The following TMEM26 variants were observed in gnomAD, a reference collection of about 807,000 sequenced individuals.
The protein encoded by TMEM26 is transmembrane protein 26.
TMEM26 carries 38 observed loss-of-function variants against 28.8 expected under a neutral mutation model. That is an observed-to-expected ratio of 1.32 (90% CI 1.02 to 1.73). The LOEUF is 1.73. TMEM26 is among the 40% of genes most tolerant of loss of function. The pLI is 0.00. For synonymous variants in TMEM26, 227 were observed against 182.9 expected, an observed-to-expected ratio of 1.24 and a Z score of -1.95; for missense variants, 518 against 447.1, an observed-to-expected ratio of 1.16 and a Z score of -1.43.
chr10:61,413,453 A>G lies in TMEM26; in HGVS notation c.682+6T>C, dbSNP rs1839600863. 2 of 1,611,532 alleles carry G rather than the reference A, an allele frequency of 1.2e-6. No homozygotes were observed. The highest frequency in any genetic ancestry group is 1.7e-6 in the Non-Finnish European group (2 of 1,178,902). On this transcript the variant is annotated splice_donor_region_variant and intron_variant, in intron 5 of 5. Transcript: ENST00000399298. Reference sequence around the variant, plus strand: ...TATTTCTTTGCACAAACATCAGGATACTTACCTGCCAGGTCAAGTGGAAAC... The same window carrying G: ...TATTTCTTTGCACAAACATCAGGATGCTTACCTGCCAGGTCAAGTGGAAAC...
chr10:61,424,736 G>T (rs929337227), intron 4 of TMEM26, among the ~76,000 whole-genome samples: 7 of 152,020 alleles, frequency 4.6e-5, no homozygotes, highest in Admixed American at 2.6e-4. Flanking sequence ...TAAAACAATG[G>T]AACACAACAG....
At chr10:61,416,090 A>G (rs1419259417) in intron 4 of TMEM26, 1 of 450,684 alleles carries the variant, frequency 2.2e-6, no homozygotes, top group African/African-American at 2.0e-5. Flanking sequence ...TGGGGTTAGT[A>G]TGTCTTCTAT....
chr10:61,422,168 A>G (rs1316037644), intron 4 of TMEM26, among the ~76,000 whole-genome samples: 1 of 152,164 alleles, frequency 6.6e-6, no homozygotes, highest in Non-Finnish European at 1.5e-5. Context: ...GCAAAAACTG[A>G]CAGTATTTAA....
At chr10:61,445,677 T>C (rs12766973) in intron 1 of TMEM26, among the ~76,000 whole-genome samples, 14,697 of 151,688 alleles carry the variant, frequency 0.097, 1,487 homozygotes, top group African/African-American at 0.26. Flanking sequence ...CTACATTAAA[T>C]TTTTTTTTAA....
In TMEM26 at chr10:61,434,905, T is replaced by A. The variant is rs542324599; in HGVS notation, c.270+1265A>T. ...ACTATAACAAAGAAATCTATGTAAG[T>A]CCAAATTCTCGAAGATCTTTTCTAA... On this transcript the variant is annotated intron_variant, in intron 2 of 5. Coordinates refer to ENST00000399298, the MANE Select transcript of TMEM26 (RefSeq NM_178505.8). Among the ~76,000 whole-genome samples, 3 of 152,302 alleles carry A rather than the reference T, an allele frequency of 2.0e-5. No homozygotes were observed. In the East Asian group the frequency reaches 5.8e-4, roughly 29 times the overall value.
chr10:61,413,778 C>A, intron 4 of TMEM26: 1 of 1,152,504 alleles, frequency 8.7e-7, no homozygotes, highest in Non-Finnish European at 1.1e-6. Flanking sequence ...GCCTCTTGGT[C>A]CCATATTGCT....
intron 1 of TMEM26, among the ~76,000 whole-genome samples, chr10:61,451,198 G>A (rs1840273994): frequency 2.0e-5 from 3 of 152,148 alleles, no homozygotes; most frequent in Admixed American, 2.0e-4. Flanking sequence ...TCTCTCGGTT[G>A]TAAGTCACAT....
intron 4 of TMEM26, chr10:61,415,157 C>G: frequency 1.0e-6 from 1 of 985,176 alleles, no homozygotes; most frequent in Non-Finnish European, 1.2e-6. Flanking sequence ...ACTGGATGAC[C>G]TAGATTAGAA....
intron 3 of TMEM26, among the ~76,000 whole-genome samples, chr10:61,429,604 G>GT (rs978929697): frequency 6.6e-6 from 1 of 151,652 alleles, no homozygotes; most frequent in Non-Finnish European, 1.5e-5. Context: ...TCTTCTCTTT[G>GT]TTTTTTTGCT....
chr10:61,446,968 T>TA (rs1840194875), intron 1 of TMEM26, among the ~76,000 whole-genome samples: 2 of 140,834 alleles, frequency 1.4e-5, no homozygotes, highest in African/African-American at 5.6e-5. Context: ...ACAACAAACT[T>TA]TAAAAAAAAA....
rs953076544 is a variant in TMEM26, at chr10:61,409,826, C to G, written c.*496G>C. ...GGAAGCTGGGCAGAGATTTTCGCTT[C>G]TTCCAGCCCACAGTGAGGTAATTTT... On this transcript the variant is annotated 3_prime_UTR_variant, in exon 6 of 6. Coordinates refer to ENST00000399298, the MANE Select transcript of TMEM26 (RefSeq NM_178505.8). 5 of 158,392 alleles carry G rather than the reference C, an allele frequency of 3.2e-5. No homozygotes were observed. Among genetic ancestry groups the G allele is most frequent in the African/African-American group, 1.2e-4 (5 of 41,466 alleles). 9.8% of individuals were successfully genotyped at this position (158,392 alleles called of 1,614,324 possible). A position where few individuals can be genotyped will look rare whatever the true frequency, so the allele number is the denominator to read the frequency against.
Position 61,453,072 on chromosome 10 carries a change from G to A in TMEM26, c.10C>T (p.Leu4=). The A allele has an allele frequency of 6.2e-7, 1 of 1,612,928 alleles. No individual in the cohort carries two copies. The highest frequency in any genetic ancestry group is 1.1e-5 in the South Asian group (1 of 91,070). The change falls in exon 1 of 6, where the codon CTG becomes TTG. Residue 4 remains leucine (L), a synonymous_variant. Transcript: ENST00000399298. MEG[L]VFLNALATRL... ...GTGGCCAGGGCGTTAAGGAAGACCA[G>A]TCCCTCCATGCTGGCCGGAGCACTC...
At chr10:61,432,635 T>C (rs908405178) in intron 2 of TMEM26, among the ~76,000 whole-genome samples, 1 of 148,286 alleles carries the variant, frequency 6.7e-6, no homozygotes, top group African/African-American at 2.6e-5. Flanking sequence ...CACATTTGTA[T>C]TTAGAGAGGA....
At chr10:61,451,014 G>A (rs894883932) in intron 1 of TMEM26, among the ~76,000 whole-genome samples, 1 of 152,090 alleles carries the variant, frequency 6.6e-6, no homozygotes, top group African/African-American at 2.4e-5. Context: ...GTAAGAAATT[G>A]AGGCTGAGAC....
At chr10:61,427,140 A>G (rs1430213164) in intron 4 of TMEM26, among the ~76,000 whole-genome samples, 2 of 152,110 alleles carry the variant, frequency 1.3e-5, no homozygotes, top group Non-Finnish European at 2.9e-5. Flanking sequence ...AAAAACTATG[A>G]CATAATTTAT....
chr10:61,426,884 C>T lies in TMEM26; in HGVS notation c.605+2042G>A, dbSNP rs143747363. On this transcript the variant is annotated intron_variant, in intron 4 of 5. Transcript: ENST00000399298. ...GCAGTGTCTATTCTTGCAGTATAGG[C>T]GAGAACCAAAACAGGAAATCAGAAC... Among the ~76,000 whole-genome samples, 1,233 of 151,922 alleles carry T rather than the reference C, an allele frequency of 8.1e-3. 12 individuals carry two copies. Among genetic ancestry groups the T allele is most frequent in the African/African-American group, 0.024 (990 of 41,464 alleles).
chr10:61,452,187 C>A (rs576468254), intron 1 of TMEM26, among the ~76,000 whole-genome samples: 1 of 152,190 alleles, frequency 6.6e-6, no homozygotes, highest in South Asian at 2.1e-4. Flanking sequence ...AAGCACCACA[C>A]GTGGCGTGTA....
rs1554808044 is a variant in TMEM26, at chr10:61,452,874, TC to T, written c.191+16del. The T allele has an allele frequency of 1.2e-6, 2 of 1,604,316 alleles. No individual in the cohort carries two copies. Among genetic ancestry groups the T allele is most frequent in the Non-Finnish European group, 1.7e-6 (2 of 1,171,872 alleles). Reference sequence around the variant, plus strand: ...CCTAGGGCCCCGTGCGCCCTCGCTTTCCCGGGGCACTCTCACCATTTGTAGC... The same window carrying T: ...CCTAGGGCCCCGTGCGCCCTCGCTTTCCGGGGCACTCTCACCATTTGTAGC... On this transcript the variant is annotated intron_variant, in intron 1 of 5. Transcript: ENST00000399298.
Position 61,409,711 on chromosome 10 carries a change from T to A in TMEM26, c.*611A>T, listed in dbSNP as rs1266537005. ...AAGCAATAAAATTTCTGTAAGAACA[T>A]ATGCGCCATGGCAGAATACAACATC... On this transcript the variant is annotated 3_prime_UTR_variant, in exon 6 of 6. Coordinates refer to ENST00000399298, the MANE Select transcript of TMEM26 (RefSeq NM_178505.8). 1 of 152,460 alleles carries A rather than the reference T, an allele frequency of 6.6e-6. No homozygotes were observed. Among genetic ancestry groups the A allele is most frequent in the Non-Finnish European group, 1.5e-5 (1 of 68,326 alleles). The allele number at this position is 152,460 out of a possible 1,614,324, so 9.4% of individuals were successfully genotyped here.
Sources: allele counts gnomAD v4.1 joint callset (sites outside exome capture counted in the v4.1 genomes callset), GRCh38; gene constraint gnomAD v4.1.1; transcripts MANE v1.5; gene names NCBI Gene and HGNC (gene_info 2026-07-23, HGNC 2026-07-21).